PDE7B: variants seen among roughly 807,000 people sequenced by gnomAD.
PDE7B encodes 3',5'-cyclic-AMP phosphodiesterase 7B.
In PDE7B, 29 loss-of-function variants were observed where a neutral mutation model predicts 56.2. That is an observed-to-expected ratio of 0.52 (90% CI 0.38 to 0.70). The LOEUF (loss-of-function observed/expected upper bound fraction) is 0.70. Among genes scored for constraint, PDE7B ranks in the 30% least tolerant of loss-of-function variants. The pLI is 0.00. For synonymous variants in PDE7B, 197 were observed against 196.9 expected (o/e 1.00, Z 0.00); for missense variants, 490 against 565.0 (o/e 0.87, Z 1.35).
chr6:135,989,752 A>C (rs577113403), intron 2 of PDE7B, among the ~76,000 whole-genome samples: 3 of 152,134 alleles, frequency 2.0e-5, no homozygotes, highest in Admixed American at 6.5e-5. Context: ...GTTTAATTAC[A>C]ATGGTTTATG....
intron 3 of PDE7B, among the ~76,000 whole-genome samples, chr6:136,119,270 T>C (rs1777889375): frequency 1.3e-5 from 2 of 152,234 alleles, no homozygotes; most frequent in African/African-American, 4.8e-5. Context: ...CAGTTATGTT[T>C]ATTAAAATAT....
chr6:135,904,293 G>C (rs1399444558), intron 1 of PDE7B, among the ~76,000 whole-genome samples: 1 of 152,198 alleles, frequency 6.6e-6, no homozygotes. Context: ...CAAGACCCCA[G>C]AGCATCATTT....
intron 2 of PDE7B, among the ~76,000 whole-genome samples, chr6:135,988,607 A>G (rs1775422153): frequency 6.6e-6 from 1 of 152,188 alleles, no homozygotes; most frequent in Non-Finnish European, 1.5e-5. Flanking sequence ...GAAGGGTAAG[A>G]AGGGAGATAC....
At chr6:135,930,867 A>T (rs756821361) in intron 1 of PDE7B, among the ~76,000 whole-genome samples, 1 of 152,206 alleles carries the variant, frequency 6.6e-6, no homozygotes, top group Non-Finnish European at 1.5e-5. Context: ...TCTATGTGTC[A>T]TTGAAAGTTT....
At chr6:135,877,344 C>G (rs952501322) in intron 1 of PDE7B, among the ~76,000 whole-genome samples, 1 of 145,130 alleles carries the variant, frequency 6.9e-6, no homozygotes, top group Non-Finnish European at 1.5e-5. Context: ...ATTCTAGAAC[C>G]AGTTTACACA....
chr6:135,905,551 T>G (rs1031717053), intron 1 of PDE7B, among the ~76,000 whole-genome samples: 1 of 152,156 alleles, frequency 6.6e-6, no homozygotes, highest in Non-Finnish European at 1.5e-5. Context: ...GAATTCACAT[T>G]CCTGTCTTAT....
chr6:135,869,593 C>CTGACAGTTACTACATAGACTAGTAGTTG (rs1775334525), intron 1 of PDE7B, among the ~76,000 whole-genome samples: 1 of 152,180 alleles, frequency 6.6e-6, no homozygotes. Flanking sequence ...TCAGAGATGA[C>CTGACAGTTACTACATAGACTAGTAGTTG]TGACAGTTAC....
intron 1 of PDE7B, among the ~76,000 whole-genome samples, chr6:135,854,939 A>G (rs181693160): frequency 5.5e-4 from 84 of 152,366 alleles, no homozygotes; most frequent in Non-Finnish European, 9.6e-4. Flanking sequence ...CAAGGCATTT[A>G]TACTTTCTAC....
At chr6:135,952,418 C>A (rs781050712) in intron 2 of PDE7B, among the ~76,000 whole-genome samples, 1 of 152,098 alleles carries the variant, frequency 6.6e-6, no homozygotes, top group African/African-American at 2.4e-5. Context: ...TTTAATTAAT[C>A]GGATGTGCAT....
chr6:135,867,447 G>A (rs1278596311), intron 1 of PDE7B, among the ~76,000 whole-genome samples: 1 of 145,880 alleles, frequency 6.9e-6, no homozygotes, highest in Non-Finnish European at 1.5e-5. Flanking sequence ...TTAAGGTCAG[G>A]GGTACATGTG....
intron 1 of PDE7B, among the ~76,000 whole-genome samples, chr6:135,923,083 A>G (rs576976938): frequency 7.2e-5 from 11 of 152,168 alleles, no homozygotes; most frequent in Non-Finnish European, 1.6e-4. Context: ...AGAGATATCA[A>G]TCCTGTTTTA....
At position 136,193,012 on chromosome 6, in the gene PDE7B, T is replaced by C. The variant is rs1779254298; in HGVS notation, c.*1172T>C. On this transcript the variant is annotated 3_prime_UTR_variant, in exon 13 of 13. Coordinates refer to ENST00000308191, the MANE Select transcript of PDE7B (RefSeq NM_018945.4). ...TTAATCTATGGCACCAAGCATCGTTTCCTCAGATTAATGAGACCCTTCAAC... is the reference window on the plus strand; with the variant it reads ...TTAATCTATGGCACCAAGCATCGTTCCCTCAGATTAATGAGACCCTTCAAC... 6.6e-6 allele frequency: 1 copy of C among 152,486 alleles called. No individual in the cohort carries two copies. Among genetic ancestry groups the C allele is most frequent in the Admixed American group, 6.5e-5 (1 of 15,282 alleles). 9.4% of individuals were successfully genotyped at this position (152,486 alleles called of 1,614,324 possible). A position where few individuals can be genotyped will look rare whatever the true frequency, so the allele number is the denominator to read the frequency against.
chr6:135,997,413 CAAAAAAAAAAAAAAAAAAAAAAAAAA>C (rs59388049), intron 2 of PDE7B, among the ~76,000 whole-genome samples: 1 of 10,706 alleles, frequency 9.3e-5, no homozygotes, highest in Non-Finnish European at 2.3e-4. Context: ...GACCCTGTCT[CAAAAAAAAAAAAAAAAAAAAAAAAAA>C]AAAAAAAAAA....
At chr6:136,038,190 G>C in intron 2 of PDE7B, 1 of 1,297,820 alleles carries the variant, frequency 7.7e-7, no homozygotes, top group Non-Finnish European at 1.0e-6. Flanking sequence ...TGTGGTAGCA[G>C]CAGCAGCAGC....
chr6:136,036,647 T>C (rs939808114), intron 2 of PDE7B, among the ~76,000 whole-genome samples: 5 of 152,128 alleles, frequency 3.3e-5, no homozygotes, highest in African/African-American at 1.2e-4. Flanking sequence ...TTTCTCCTCT[T>C]CCCCAAGTTT....
At chr6:136,151,707 G>A (rs915641018) in intron 6 of PDE7B, among the ~76,000 whole-genome samples, 44 of 60,828 alleles carry the variant, frequency 7.2e-4, no homozygotes, top group African/African-American at 2.3e-3. Context: ...TTTGGGAGGC[G>A]GGCGTATCAC....
chr6:135,944,116 C>T (rs1045219692), intron 1 of PDE7B, among the ~76,000 whole-genome samples: 4 of 152,198 alleles, frequency 2.6e-5, no homozygotes, highest in African/African-American at 9.6e-5. Flanking sequence ...GTGAGCAGCA[C>T]CAGGTACAAA....
At chr6:135,872,038 T>C (rs1169745788) in intron 1 of PDE7B, among the ~76,000 whole-genome samples, 1 of 152,226 alleles carries the variant, frequency 6.6e-6, no homozygotes, top group Non-Finnish European at 1.5e-5. Flanking sequence ...ATTCATAACA[T>C]TGTGATTAGG....
chr6:136,187,804 C>T (rs1423985690), intron 12 of PDE7B, among the ~76,000 whole-genome samples: 7 of 152,192 alleles, frequency 4.6e-5, no homozygotes, highest in South Asian at 2.1e-4. Flanking sequence ...ATTTTTGCTT[C>T]GGTAAGACTT....
Sources: gnomAD v4.1 joint callset for allele counts (sites outside exome capture counted in the v4.1 genomes callset) on GRCh38, gnomAD v4.1.1 for gene constraint, MANE v1.5 for transcripts, NCBI Gene and HGNC (gene_info 2026-07-23, HGNC 2026-07-21) for gene names.